Variants in LSAMP observed in about 807,000 individuals in gnomAD.
LSAMP encodes limbic system associated membrane protein, also known as limbic system-associated membrane protein.
In LSAMP, 7 loss-of-function variants were observed where a neutral mutation model predicts 38.6. The ratio of observed to expected loss-of-function variants is 0.18; its 90% CI spans 0.10 to 0.34. The LOEUF (loss-of-function observed/expected upper bound fraction) is 0.34. Ranked by LOEUF, LSAMP falls within the 10% of genes least tolerant of loss-of-function variation. LSAMP has a pLI of 1.00. For missense variants in LSAMP, 313 were observed against 420.0 expected, an observed-to-expected ratio of 0.75 and a Z score of 2.23; for synonymous variants, 154 against 166.8, an observed-to-expected ratio of 0.92 and a Z score of 0.59.
rs549926095 is a variant in LSAMP at position 116,198,774 on chromosome 3, A to AAAAAAAAAAAG, written c.156-112219_156-112218insCTTTTTTTTTT. ...CGACAGAGCAAGACTCCGTCTCAGAAAAAAAAAGAAAATCAGAACTGGACT... is the reference window on the plus strand; with the variant it reads ...CGACAGAGCAAGACTCCGTCTCAGAAAAAAAAAAAAGAAAAAAAGAAAATCAGAACTGGACT... On this transcript the variant is annotated intron_variant, in intron 1 of 6. Coordinates refer to ENST00000490035, the MANE Select transcript of LSAMP (RefSeq NM_002338.5). Among the ~76,000 whole-genome samples the AAAAAAAAAAAG allele has an allele frequency of 1.8e-3, 274 of 148,696 alleles. 11 individuals are homozygous for AAAAAAAAAAAG. Among genetic ancestry groups the AAAAAAAAAAAG allele is most frequent in the South Asian group, 0.012 (56 of 4,664 alleles).
chr3:115,846,835 A>G (rs534671105), intron 4 of LSAMP, among the ~76,000 whole-genome samples: 4 of 152,342 alleles, frequency 2.6e-5, no homozygotes, highest in South Asian at 2.1e-4. Context: ...TTTACAGGGT[A>G]CAAACAATGG....
chr3:116,107,123 T>G (rs1346892132), intron 1 of LSAMP, among the ~76,000 whole-genome samples: 1 of 151,480 alleles, frequency 6.6e-6, no homozygotes, highest in East Asian at 1.9e-4. Flanking sequence ...TATGGGGAAA[T>G]GGGGTGAATA....
intron 2 of LSAMP, among the ~76,000 whole-genome samples, chr3:116,021,266 A>G (rs992271903): frequency 3.3e-5 from 5 of 152,178 alleles, no homozygotes; most frequent in African/African-American, 1.2e-4. Flanking sequence ...GTCTTGCAAT[A>G]TGTTCTTACA....
intron 2 of LSAMP, among the ~76,000 whole-genome samples, chr3:116,075,555 T>C (rs952575283): frequency 1.3e-5 from 2 of 151,544 alleles, no homozygotes; most frequent in South Asian, 4.2e-4. Context: ...GTTTTTTTTT[T>C]TTTTTAGATG....
chr3:116,373,919 G>A (rs2048462978), intron 1 of LSAMP, among the ~76,000 whole-genome samples: 2 of 151,858 alleles, frequency 1.3e-5, no homozygotes, highest in South Asian at 4.1e-4. Context: ...CATACTAGCT[G>A]AGTCAGCCAA....
chr3:116,264,880 A>G (rs568768756), intron 1 of LSAMP, among the ~76,000 whole-genome samples: 1,951 of 151,388 alleles, frequency 0.013, 35 homozygotes, highest in African/African-American at 0.043. Flanking sequence ...TGCTGGGGGA[A>G]AAAAAAAAGA....
intron 1 of LSAMP, among the ~76,000 whole-genome samples, chr3:116,123,260 T>G (rs909534947): frequency 3.3e-5 from 5 of 152,176 alleles, no homozygotes; most frequent in African/African-American, 1.2e-4. Flanking sequence ...AAAGAAGTTT[T>G]GGGAAAGTGG....
chr3:116,355,471 A>G (rs2048210789), intron 1 of LSAMP, among the ~76,000 whole-genome samples: 1 of 152,326 alleles, frequency 6.6e-6, no homozygotes, highest in African/African-American at 2.4e-5. Context: ...GTGAGACCTG[A>G]AACTATGAAA....
chr3:116,128,189 C>T (rs1391989766), intron 1 of LSAMP, among the ~76,000 whole-genome samples: 1 of 152,156 alleles, frequency 6.6e-6, no homozygotes, highest in Non-Finnish European at 1.5e-5. Context: ...AATTGTTGCC[C>T]TAGCAAGAGC....
chr3:116,172,625 A>G (rs574925955), intron 1 of LSAMP, among the ~76,000 whole-genome samples: 1 of 152,202 alleles, frequency 6.6e-6, no homozygotes, highest in South Asian at 2.1e-4. Flanking sequence ...GATAAGGGAT[A>G]GAAATATAAG....
intron 6 of LSAMP, among the ~76,000 whole-genome samples, chr3:115,831,626 G>A (rs1934615619): frequency 1.3e-5 from 2 of 152,176 alleles, no homozygotes; most frequent in African/African-American, 2.4e-5. Flanking sequence ...CACAAAGTGA[G>A]AAAAGTTCCC....
intron 2 of LSAMP, among the ~76,000 whole-genome samples, chr3:116,058,317 A>T (rs991381369): frequency 1.3e-5 from 2 of 152,154 alleles, no homozygotes; most frequent in African/African-American, 4.8e-5. Context: ...GTAACACCAC[A>T]AGAAGTGGAA....
chr3:116,147,473 A>G (rs1417337174), intron 1 of LSAMP, among the ~76,000 whole-genome samples: 3 of 151,958 alleles, frequency 2.0e-5, no homozygotes, highest in Non-Finnish European at 4.4e-5. Flanking sequence ...AATGGTCAAG[A>G]AAGTATAAGT....
chr3:116,326,137 T>C (rs1202761962), intron 1 of LSAMP, among the ~76,000 whole-genome samples: 5 of 152,104 alleles, frequency 3.3e-5, no homozygotes. Context: ...AAACTATCTA[T>C]ATAGACATTT....
chr3:116,023,195 C>G (rs1413059552), intron 2 of LSAMP, among the ~76,000 whole-genome samples: 1 of 151,764 alleles, frequency 6.6e-6, no homozygotes, highest in African/African-American at 2.4e-5. Context: ...TATATACACA[C>G]ATATCAGATT....
At chr3:116,263,814 G>T (rs2046861498) in intron 1 of LSAMP, among the ~76,000 whole-genome samples, 1 of 152,002 alleles carries the variant, frequency 6.6e-6, no homozygotes, top group African/African-American at 2.4e-5. Flanking sequence ...TCTCTGTGTT[G>T]CATCCTTTGA....
At chr3:116,283,891 A>G (rs1233509681) in intron 1 of LSAMP, among the ~76,000 whole-genome samples, 3 of 152,170 alleles carry the variant, frequency 2.0e-5, no homozygotes, top group Non-Finnish European at 2.9e-5. Context: ...CTGTAATCCC[A>G]GCTACTTGGG....
At chr3:116,343,408 A>T (rs139684651) in intron 1 of LSAMP, among the ~76,000 whole-genome samples, 1 of 152,250 alleles carries the variant, frequency 6.6e-6, no homozygotes, top group African/African-American at 2.4e-5. Context: ...TGTGGAAGCA[A>T]TATAATAATC....
chr3:116,396,625 T>C (rs1240785803), intron 1 of LSAMP, among the ~76,000 whole-genome samples: 3 of 152,214 alleles, frequency 2.0e-5, no homozygotes, highest in Non-Finnish European at 4.4e-5. Flanking sequence ...TTAGAGCTAC[T>C]TTATATTTCT....
Sources: gnomAD v4.1 joint callset for allele counts (sites outside exome capture counted in the v4.1 genomes callset) on GRCh38, gnomAD v4.1.1 for gene constraint, MANE v1.5 for transcripts, NCBI Gene and HGNC (gene_info 2026-07-23, HGNC 2026-07-21) for gene names.